The following NAV2 variants were observed in gnomAD, a reference collection of about 807,000 sequenced individuals.
The protein encoded by NAV2 is neuron navigator 2.
A neutral mutation model predicts 223.2 loss-of-function variants in NAV2; 54 were observed. The ratio of observed to expected loss-of-function variants is 0.24; its 90% CI spans 0.19 to 0.30. NAV2 has a LOEUF of 0.30. NAV2 is among the 10% of genes least tolerant of loss of function. The probability of loss-of-function intolerance (pLI) is 1.00; values close to 1 mark genes in which losing one functional copy is unlikely to be tolerated. For synonymous variants in NAV2, 1,279 were observed against 1,239.3 expected (o/e 1.03, Z -0.67); for missense variants, 2,806 against 3,147.5 (o/e 0.89, Z 2.60).
intron 1 of NAV2, among the ~76,000 whole-genome samples, chr11:19,521,157 G>A (rs981944606): frequency 6.6e-6 from 1 of 152,216 alleles, no homozygotes; most frequent in Non-Finnish European, 1.5e-5. Flanking sequence ...CCCATCTGGA[G>A]AGAACTCTTC....
intron 1 of NAV2, among the ~76,000 whole-genome samples, chr11:19,697,599 CTAGG>C (rs1299321190): frequency 6.6e-6 from 1 of 151,074 alleles, no homozygotes; most frequent in Non-Finnish European, 1.5e-5. Context: ...AAAAGAAAAA[CTAGG>C]GAGGGAGGCA....
chr11:20,021,950 C>T (rs1375491348), intron 11 of NAV2, among the ~76,000 whole-genome samples: 2 of 152,168 alleles, frequency 1.3e-5, no homozygotes, highest in Non-Finnish European at 2.9e-5. Context: ...AAATGCTGAC[C>T]ACACAGAGAC....
chr11:19,892,642 C>A, intron 6 of NAV2, 48 bp downstream of exon 6: 1 of 1,592,816 alleles, frequency 6.3e-7, no homozygotes. Context: ...CTTCAGAGCA[C>A]ATCTACCTAG....
intron 10 of NAV2, among the ~76,000 whole-genome samples, chr11:19,957,218 G>A (rs927261110): frequency 3.9e-5 from 6 of 152,184 alleles, no homozygotes; most frequent in Admixed American, 3.9e-4. Flanking sequence ...GCCAGATCCT[G>A]TCTAGGGTTC....
rs75961843 is a variant in NAV2 at position 19,382,766 on chromosome 11, C to A, written c.75+31739C>A. Among the ~76,000 whole-genome samples the A allele has an allele frequency of 8.7e-3, 1,322 of 152,250 alleles. 20 individuals are homozygous for A. The highest frequency in any genetic ancestry group is 0.03 in the African/African-American group (1,257 of 41,540). On this transcript the variant is annotated intron_variant, in intron 1 of 37. Transcript: ENST00000360655. Reference sequence around the variant, plus strand: ...CTCATATAGCTTCCATTATTCCACCCATTTTATAGATGAGGATGCTGAGGT... The same window carrying A: ...CTCATATAGCTTCCATTATTCCACCAATTTTATAGATGAGGATGCTGAGGT...
chr11:19,729,312 T>G (rs1304132480), intron 1 of NAV2, among the ~76,000 whole-genome samples: 1 of 152,076 alleles, frequency 6.6e-6, no homozygotes, highest in Non-Finnish European at 1.5e-5. Flanking sequence ...TACTTTGGAT[T>G]TGGTCTGATG....
At chr11:19,523,945 C>T (rs1433084773) in intron 1 of NAV2, among the ~76,000 whole-genome samples, 1 of 152,230 alleles carries the variant, frequency 6.6e-6, no homozygotes, top group Non-Finnish European at 1.5e-5. Flanking sequence ...AGCTTCTGGT[C>T]TTCCTTTAAG....
At chr11:19,984,613 G>T (rs146073896) in intron 11 of NAV2, among the ~76,000 whole-genome samples, 1 of 152,132 alleles carries the variant, frequency 6.6e-6, no homozygotes, top group Non-Finnish European at 1.5e-5. Context: ...GCACCTTGTG[G>T]CACAGAAGGT....
intron 1 of NAV2, among the ~76,000 whole-genome samples, chr11:19,519,408 T>C (rs1013662256): frequency 1.3e-4 from 20 of 152,332 alleles, no homozygotes; most frequent in Middle Eastern, 6.8e-3. Context: ...CCTTTTAACA[T>C]GTGTGCTTTC....
At chr11:19,928,809 G>A (rs1268808054) in intron 6 of NAV2, among the ~76,000 whole-genome samples, 1 of 152,126 alleles carries the variant, frequency 6.6e-6, no homozygotes, top group African/African-American at 2.4e-5. Context: ...GCCAAGAGAG[G>A]CAAAATGGCA....
chr11:19,983,365 AC>A (rs1356594658), intron 10 of NAV2, among the ~76,000 whole-genome samples: 47 of 152,212 alleles, frequency 3.1e-4, no homozygotes, highest in African/African-American at 1.1e-3. Flanking sequence ...TTGTAGTATT[AC>A]CAAAAAAAGA....
rs1038690026 is a variant in NAV2, at chr11:20,085,168, G to T, written c.5498+1989G>T. Among the ~76,000 whole-genome samples the T allele has an allele frequency of 3.7e-4, 55 of 150,536 alleles. 1 individual carries two copies. The highest frequency in any genetic ancestry group is 2.4e-4 in the Non-Finnish European group (16 of 67,840). On this transcript the variant is annotated intron_variant, in intron 26 of 37. Transcript: ENST00000349880. ...GTGATCACCCTGTACTCCAGCCTGG[G>T]TGACAGAGTAAGGCCATGTCTCTAT...
chr11:19,644,324 A>G (rs558345415), intron 1 of NAV2, among the ~76,000 whole-genome samples: 1 of 152,372 alleles, frequency 6.6e-6, no homozygotes, highest in South Asian at 2.1e-4. Context: ...CAAGTAAAAG[A>G]AAAATGTCTC....
At chr11:19,902,633 C>G (rs2042541999) in intron 6 of NAV2, among the ~76,000 whole-genome samples, 1 of 152,214 alleles carries the variant, frequency 6.6e-6, no homozygotes, top group African/African-American at 2.4e-5. Flanking sequence ...TTGCTTCCAT[C>G]TGTTACGTGG....
Position 19,949,025 on chromosome 11 carries a change from A to C in NAV2, c.2590A>C (p.Met864Leu). The C allele has an allele frequency of 6.2e-7, 1 of 1,613,830 alleles. No individual in the cohort carries two copies. The highest frequency in any genetic ancestry group is 8.5e-7 in the Non-Finnish European group (1 of 1,179,788). ...CATCAGCATGGATGCCCCCGGCTAC[A>C]TGAGCGACGGGGATGTTCTGAGCAA... The part of the protein sequence containing the change: ...EGISMDAPGY[M>L]SDGDVLSKNI... Residue 864 changes from methionine (M) to leucine (L), a missense_variant, in exon 10 of 38, where the codon ATG (methionine) becomes CTG (leucine). By Grantham distance (15) the Met-to-Leu change is conservative (BLOSUM62 2). This residue lies in a region of NAV2 where 1,167 missense variants were observed against 1,180.5 expected (regional missense o/e 0.99). Coordinates refer to ENST00000349880, the MANE Select transcript of NAV2 (RefSeq NM_145117.5).
At chr11:19,709,165 T>C (rs994403571), upstream of NAV2, among the ~76,000 whole-genome samples, 3 of 149,774 alleles carry the variant, frequency 2.0e-5, no homozygotes, top group South Asian at 6.5e-4. Flanking sequence ...AAAAAATAGC[T>C]TCCCCCCGCC....
chr11:19,362,147 C>G (rs1429483960), intron 1 of NAV2, among the ~76,000 whole-genome samples: 1 of 152,128 alleles, frequency 6.6e-6, no homozygotes, highest in Non-Finnish European at 1.5e-5. Flanking sequence ...CAAGAGAGTA[C>G]TATTGTTCCC....
intron 1 of NAV2, among the ~76,000 whole-genome samples, chr11:19,770,423 A>AGGCCCTTAAAAG (rs951295406): frequency 2.0e-5 from 3 of 152,110 alleles, no homozygotes; most frequent in Non-Finnish European, 4.4e-5. Context: ...AGCAGCACGG[A>AGGCCCTTAAAAG]GGCCCTTAAA....
chr11:19,391,857 G>A (rs991243039), intron 1 of NAV2, among the ~76,000 whole-genome samples: 4 of 152,146 alleles, frequency 2.6e-5, no homozygotes, highest in Admixed American at 6.5e-5. Flanking sequence ...GCTAATATTC[G>A]TTCCCCTGCT....
Sources: allele counts gnomAD v4.1 joint callset (sites outside exome capture counted in the v4.1 genomes callset), GRCh38; gene constraint gnomAD v4.1.1; regional missense constraint gnomAD v4.1.1; transcripts MANE v1.5; gene names NCBI Gene and HGNC (gene_info 2026-07-23, HGNC 2026-07-21).